The following DSCAM variants were observed in gnomAD, a reference collection of about 807,000 sequenced individuals.
DSCAM encodes DS cell adhesion molecule.
In DSCAM, 47 loss-of-function variants were observed where a neutral mutation model predicts 217.7. The ratio of observed to expected loss-of-function variants is 0.22; its 90% CI spans 0.17 to 0.28. DSCAM has a LOEUF of 0.28. DSCAM is among the 10% of genes least tolerant of loss of function. DSCAM has a pLI of 1.00. For synonymous variants in DSCAM, 1,056 were observed against 1,015.3 expected, an observed-to-expected ratio of 1.04 and a Z score of -0.76; for missense variants, 2,080 against 2,618.3, an observed-to-expected ratio of 0.79 and a Z score of 4.49.
At chr21:40,213,014 C>T (rs1444659307) in intron 11 of DSCAM, among the ~76,000 whole-genome samples, 1 of 152,168 alleles carries the variant, frequency 6.6e-6, no homozygotes, top group African/African-American at 2.4e-5. Context: ...TCAGAGCCTC[C>T]AGAAGGCACC....
intron 3 of DSCAM, among the ~76,000 whole-genome samples, chr21:40,448,369 C>T (rs944342971): frequency 2.0e-5 from 3 of 152,132 alleles, no homozygotes; most frequent in East Asian, 1.9e-4. Context: ...CAATGGACAT[C>T]GCAGCTCCTG....
intron 3 of DSCAM, among the ~76,000 whole-genome samples, chr21:40,686,408 C>CAT (rs2090478811): frequency 2.6e-5 from 4 of 151,754 alleles, no homozygotes; most frequent in South Asian, 4.2e-4. Flanking sequence ...ACCACACACA[C>CAT]GTATGCACAC....
chr21:40,632,210 A>G (rs921605985), intron 3 of DSCAM, among the ~76,000 whole-genome samples: 10 of 152,184 alleles, frequency 6.6e-5, no homozygotes, highest in Non-Finnish European at 1.2e-4. Context: ...GGGCAAAATA[A>G]TAAATAAAAC....
rs1568863012 is a variant in DSCAM, at chr21:40,508,762, TATATATATATATATATATA to T, written c.509-139536_509-139518del. On this transcript the variant is annotated intron_variant, in intron 3 of 32. Transcript: ENST00000400454. The stretch of plus-strand genomic sequence containing the variant: ...ATATATATATATATATATATATATA[TATATATATATATATATATA>T]TATTTTTTTTTTTTTTTTTTTTTTT... 7.7e-3 allele frequency among the ~76,000 whole-genome samples: 39 copies of T among 5,090 alleles called. 1 individual carries two copies. Among genetic ancestry groups the T allele is most frequent in the African/African-American group, 0.019 (22 of 1,176 alleles). 3.3% of individuals were successfully genotyped at this position (5,090 alleles called of 152,430 possible).
intron 3 of DSCAM, among the ~76,000 whole-genome samples, chr21:40,441,103 T>C (rs1220838496): frequency 4.1e-5 from 3 of 73,456 alleles, no homozygotes; most frequent in South Asian, 4.4e-4. Context: ...GGCAAACACA[T>C]AGAATATGAA....
chr21:40,805,003 C>A (rs2091773297), intron 1 of DSCAM, among the ~76,000 whole-genome samples: 1 of 152,308 alleles, frequency 6.6e-6, no homozygotes, highest in Non-Finnish European at 1.5e-5. Flanking sequence ...AAAGGCACGT[C>A]CACTCAGCTG....
chr21:40,547,275 G>A (rs541234780), intron 3 of DSCAM, among the ~76,000 whole-genome samples: 7 of 152,016 alleles, frequency 4.6e-5, no homozygotes, highest in South Asian at 2.1e-4. Flanking sequence ...CTTCTTACAC[G>A]CCTGCTGTTA....
chr21:40,330,457 CT>C (rs1256827007), intron 8 of DSCAM, among the ~76,000 whole-genome samples: 1 of 149,284 alleles, frequency 6.7e-6, no homozygotes, highest in African/African-American at 2.4e-5. Context: ...TACACATAGT[CT>C]TTTTTTCCCT....
chr21:40,479,322 C>T (rs2075962784), intron 3 of DSCAM, among the ~76,000 whole-genome samples: 3 of 152,216 alleles, frequency 2.0e-5, no homozygotes, highest in Admixed American at 2.0e-4. Flanking sequence ...ACACAATCAT[C>T]ATCATCATTA....
chr21:40,064,148 T>C (rs1174270067), intron 27 of DSCAM, among the ~76,000 whole-genome samples: 1 of 149,574 alleles, frequency 6.7e-6, no homozygotes, highest in Admixed American at 6.7e-5. Context: ...TTATATATAC[T>C]TCATGTATGT....
intron 3 of DSCAM, among the ~76,000 whole-genome samples, chr21:40,642,477 A>C (rs2089894664): frequency 6.6e-6 from 1 of 152,192 alleles, no homozygotes; most frequent in Non-Finnish European, 1.5e-5. Context: ...GCTTCCAAAA[A>C]GAGAAATTTT....
intron 18 of DSCAM, among the ~76,000 whole-genome samples, chr21:40,141,679 AG>A (rs2090292373): frequency 6.6e-6 from 1 of 151,702 alleles, no homozygotes; most frequent in Admixed American, 6.6e-5. Context: ...GGGGTGCAGG[AG>A]GGGGCTGGAA....
intron 3 of DSCAM, among the ~76,000 whole-genome samples, chr21:40,399,287 A>G (rs1413080254): frequency 6.7e-6 from 1 of 150,306 alleles, no homozygotes. Context: ...AAAACAAAAC[A>G]AAACAAAACA....
At chr21:40,727,797 C>T (rs2090972143) in intron 1 of DSCAM, among the ~76,000 whole-genome samples, 1 of 152,186 alleles carries the variant, frequency 6.6e-6, no homozygotes, top group African/African-American at 2.4e-5. Context: ...ACCCCATTCT[C>T]CAGGTAAAAG....
chr21:40,582,631 T>C (rs904620481), intron 3 of DSCAM, among the ~76,000 whole-genome samples: 3 of 152,250 alleles, frequency 2.0e-5, no homozygotes, highest in Middle Eastern at 3.4e-3. Flanking sequence ...TTCCAGGAAT[T>C]TGCAGTCACT....
At chr21:40,534,760 G>A (rs572642072) in intron 3 of DSCAM, among the ~76,000 whole-genome samples, 230 of 152,056 alleles carry the variant, frequency 1.5e-3, no homozygotes, top group Middle Eastern at 3.4e-3. Flanking sequence ...TTTTATGTAA[G>A]GTAATTACCC....
chr21:40,078,800 T>C lies in DSCAM; in HGVS notation c.4598A>G (p.Tyr1533Cys), dbSNP rs776122703. The change falls in exon 26 of 33, where the codon TAC (tyrosine) becomes TGC (cysteine). Residue 1533 changes from tyrosine (Y) to cysteine (C), a missense_variant. Tyr to Cys is a radical substitution (Grantham distance 194). Transcript: ENST00000400454. ...GGCTTCCTGCAGGTCATACAGGATGTAGGACTTGGAGAGAGAGGTCCTCTG... is the reference window on the plus strand; with the variant it reads ...GGCTTCCTGCAGGTCATACAGGATGCAGGACTTGGAGAGAGAGGTCCTCTG... ...TAQRTSLSKS[Y>C]ILYDLQEATW... The C allele has an allele frequency of 1.2e-6, 2 of 1,614,214 alleles. No individual in the cohort carries two copies. The highest frequency in any genetic ancestry group is 2.2e-5 in the South Asian group (2 of 91,076).
chr21:40,672,889 CAA>C (rs2090293699), intron 3 of DSCAM, among the ~76,000 whole-genome samples: 1 of 152,142 alleles, frequency 6.6e-6, no homozygotes. Context: ...GTCTGCCACT[CAA>C]GTCAGTCTCC....
intron 1 of DSCAM, among the ~76,000 whole-genome samples, chr21:40,843,976 GA>G (rs150600763): frequency 0.021 from 3,146 of 146,564 alleles, 105 homozygotes; most frequent in African/African-American, 0.073. Context: ...TTTTACAAAT[GA>G]AAAAAAAAAG....
Sources: allele counts gnomAD v4.1 joint callset (sites outside exome capture counted in the v4.1 genomes callset), GRCh38; gene constraint gnomAD v4.1.1; transcripts MANE v1.5; gene names NCBI Gene and HGNC (gene_info 2026-07-23, HGNC 2026-07-21).